PDSS2: variants seen among roughly 807,000 people sequenced by gnomAD.
PDSS2 encodes decaprenyl diphosphate synthase subunit 2, also known as all trans-polyprenyl-diphosphate synthase PDSS2.
In PDSS2, 31 loss-of-function variants were observed where a neutral mutation model predicts 44.5. That is an observed-to-expected ratio of 0.70 (90% CI 0.52 to 0.94). The LOEUF (loss-of-function observed/expected upper bound fraction) is 0.94, where lower values mean the gene tolerates loss of function less well. Among genes scored for constraint, PDSS2 ranks in the 40% least tolerant of loss-of-function variants. The probability of loss-of-function intolerance (pLI) is 0.00; values close to 1 mark genes in which losing one functional copy is unlikely to be tolerated. For synonymous variants in PDSS2, 157 were observed against 180.3 expected, an observed-to-expected ratio of 0.87 and a Z score of 1.03; for missense variants, 452 against 482.2, an observed-to-expected ratio of 0.94 and a Z score of 0.59.
chr6:107,372,983 CTTTTT>C (rs11330558), intron 1 of PDSS2, among the ~76,000 whole-genome samples: 1 of 136,024 alleles, frequency 7.4e-6, no homozygotes, highest in Non-Finnish European at 1.6e-5. Context: ...GTCTAATAAT[CTTTTT>C]TTTTTTTTTT....
At chr6:107,277,306 T>C (rs1018126874) in intron 2 of PDSS2, among the ~76,000 whole-genome samples, 7 of 152,148 alleles carry the variant, frequency 4.6e-5, no homozygotes, top group African/African-American at 1.7e-4. Context: ...TAAGAAAGAC[T>C]ACACATCATG....
intron 1 of PDSS2, among the ~76,000 whole-genome samples, chr6:107,355,927 G>C (rs1437300962): frequency 6.6e-6 from 1 of 152,170 alleles, no homozygotes; most frequent in Non-Finnish European, 1.5e-5. Flanking sequence ...ACTGTGACTT[G>C]TTTCTCTTTA....
chr6:107,346,615 C>T (rs1778256115), intron 1 of PDSS2, among the ~76,000 whole-genome samples: 1 of 152,144 alleles, frequency 6.6e-6, no homozygotes, highest in Admixed American at 6.5e-5. Flanking sequence ...TGATTAATAA[C>T]ACAACCTGCC....
At chr6:107,362,986 A>C (rs373804958) in intron 1 of PDSS2, among the ~76,000 whole-genome samples, 79 of 152,306 alleles carry the variant, frequency 5.2e-4, no homozygotes, top group Middle Eastern at 3.4e-3. Flanking sequence ...CCTGAATAAC[A>C]TAGGGGAAAA....
chr6:107,224,390 C>T (rs1228104427), intron 4 of PDSS2, among the ~76,000 whole-genome samples: 1 of 151,392 alleles, frequency 6.6e-6, no homozygotes, highest in Non-Finnish European at 1.5e-5. Context: ...CTAGGAAAGA[C>T]CCACGTAGAA....
chr6:107,443,606 T>C (rs1781574724), intron 1 of PDSS2, among the ~76,000 whole-genome samples: 1 of 152,236 alleles, frequency 6.6e-6, no homozygotes, highest in African/African-American at 2.4e-5. Context: ...TACTCTATCA[T>C]GGCAGAAGCA....
chr6:107,186,761 C>T (rs1006474377), intron 7 of PDSS2, among the ~76,000 whole-genome samples: 1 of 152,196 alleles, frequency 6.6e-6, no homozygotes, highest in Non-Finnish European at 1.5e-5. Flanking sequence ...CTTCTAGCTT[C>T]ATCCGTATCC....
chr6:107,432,675 T>C (rs1781228474), intron 1 of PDSS2, among the ~76,000 whole-genome samples: 1 of 152,128 alleles, frequency 6.6e-6, no homozygotes, highest in Admixed American at 6.5e-5. Flanking sequence ...TGACAATCGC[T>C]TGAACCCAGG....
At chr6:107,287,480 A>T (rs1176824030) in intron 2 of PDSS2, among the ~76,000 whole-genome samples, 1 of 151,970 alleles carries the variant, frequency 6.6e-6, no homozygotes, top group Non-Finnish European at 1.5e-5. Context: ...CTGAAACAGC[A>T]TAATTTTATA....
intron 1 of PDSS2, among the ~76,000 whole-genome samples, chr6:107,393,739 TTTATA>T (rs1484378178): frequency 6.6e-6 from 1 of 152,224 alleles, no homozygotes; most frequent in Non-Finnish European, 1.5e-5. Context: ...TGTTTTATGA[TTTATA>T]TTAGGGTGGT....
intron 1 of PDSS2, among the ~76,000 whole-genome samples, chr6:107,383,424 T>A (rs1373314980): frequency 6.6e-6 from 1 of 151,488 alleles, no homozygotes; most frequent in Non-Finnish European, 1.5e-5. Flanking sequence ...AAGATGCTCT[T>A]AGACACAGCA....
In PDSS2 at chr6:107,321,510, G is replaced by A. The variant is rs562060039; in HGVS notation, c.431+12688C>T. ...CTCTAAATACACCACGGCTTTTCCCGGAGTGTCCAAATCCTATATGTTCAT... is the reference window on the plus strand; with the variant it reads ...CTCTAAATACACCACGGCTTTTCCCAGAGTGTCCAAATCCTATATGTTCAT... On this transcript the variant is annotated intron_variant, in intron 2 of 7. Transcript: ENST00000369037. Among the ~76,000 whole-genome samples the A allele has an allele frequency of 2.1e-3, 313 of 152,250 alleles. 1 individual carries two copies. Among genetic ancestry groups the A allele is most frequent in the African/African-American group, 7.1e-3 (295 of 41,548 alleles).
At chr6:107,343,636 AAAG>A (rs1468613944) in intron 1 of PDSS2, among the ~76,000 whole-genome samples, 4 of 152,234 alleles carry the variant, frequency 2.6e-5, no homozygotes, top group Non-Finnish European at 4.4e-5. Context: ...ATGTTAAATA[AAAG>A]AATACAAAAT....
intron 2 of PDSS2, among the ~76,000 whole-genome samples, chr6:107,305,233 T>C (rs1776819499): frequency 6.6e-6 from 1 of 152,090 alleles, no homozygotes; most frequent in Non-Finnish European, 1.5e-5. Context: ...ATATTTCAAG[T>C]AATGTCAATG....
chr6:107,216,608 T>C (rs1773421182), intron 4 of PDSS2, among the ~76,000 whole-genome samples: 1 of 152,156 alleles, frequency 6.6e-6, no homozygotes, highest in Non-Finnish European at 1.5e-5. Context: ...CTCGAATGAA[T>C]ATAAAGACAT....
rs751568567 is a variant in PDSS2 at position 107,274,209 on chromosome 6, C to T, written c.450G>A (p.Glu150=). ...GAGCAATATGAATTAGCTCCGTGAT[C>T]TCTGCCAAACTTCTTTGACTAAAAC... is the stretch of plus-strand genomic sequence containing the variant. ...GIYSCQRSLA[E]ITELIHIALL... is the part of the protein sequence containing the mutation. The change falls in exon 3 of 8, where the codon GAG becomes GAA. Residue 150 remains glutamate (E), a synonymous_variant. Transcript: ENST00000369037. 3.1e-6 allele frequency: 5 copies of T among 1,613,344 alleles called. No individual in the cohort carries two copies. Among genetic ancestry groups the T allele is most frequent in the Non-Finnish European group, 4.2e-6 (5 of 1,179,342 alleles).
At chr6:107,157,922 C>T (rs1189651926) in intron 7 of PDSS2, among the ~76,000 whole-genome samples, 2 of 152,032 alleles carry the variant, frequency 1.3e-5, no homozygotes, top group Non-Finnish European at 2.9e-5. Context: ...CTGCCTGCCT[C>T]GGCCTCCCAA....
rs1775343988 is a variant in PDSS2 at position 107,264,360 on chromosome 6, C to T, written c.630+9669G>A. ...AGCTATGTAAAGAGTACATCTGTGC[C>T]ACTGGTTATCCGGAAGTATAAATCA... On this transcript the variant is annotated intron_variant, in intron 3 of 7. Coordinates refer to ENST00000369037, the MANE Select transcript of PDSS2 (RefSeq NM_020381.4). 20 of 1,534,370 alleles carry T rather than the reference C, an allele frequency of 1.3e-5. No homozygotes were observed. The South Asian group carries it at 2.4e-4, about 18-fold the overall frequency.
chr6:107,456,062 C>T (rs1782033311), intron 1 of PDSS2, among the ~76,000 whole-genome samples: 1 of 152,152 alleles, frequency 6.6e-6, no homozygotes, highest in Non-Finnish European at 1.5e-5. Flanking sequence ...GTGGCTCACG[C>T]CTATAATCCC....
Sources: allele counts gnomAD v4.1 joint callset (sites outside exome capture counted in the v4.1 genomes callset), GRCh38; gene constraint gnomAD v4.1.1; transcripts MANE v1.5; gene names NCBI Gene and HGNC (gene_info 2026-07-23, HGNC 2026-07-21).